Variants in AKAP19 observed in about 807,000 individuals in gnomAD.
The protein encoded by AKAP19 is small A-kinase anchoring protein.
chr2:189,989,462 A>G, the AKAP19 span, among the ~76,000 whole-genome samples: 64 of 152,292 alleles, frequency 4.2e-4, 1 homozygote, highest in Middle Eastern at 0.017. Context: ...ATGAAAAAAT[A>G]TACTAGGCAA....
the AKAP19 span, among the ~76,000 whole-genome samples, chr2:190,107,969 G>T: frequency 4.6e-5 from 7 of 152,120 alleles, no homozygotes; most frequent in Admixed American, 4.6e-4. Flanking sequence ...GTTAACAAAG[G>T]CAGTTCTCTT....
chr2:189,909,432 C>T, the AKAP19 span, among the ~76,000 whole-genome samples: 3 of 151,882 alleles, frequency 2.0e-5, no homozygotes, highest in South Asian at 6.2e-4. Flanking sequence ...TTGTTTCTTT[C>T]TGTCTCTCTT....
chr2:189,887,643 CT>C, the AKAP19 span, among the ~76,000 whole-genome samples: 2 of 152,186 alleles, frequency 1.3e-5, no homozygotes, highest in African/African-American at 4.8e-5. Flanking sequence ...CATTTCTTTA[CT>C]TTTTAATGAT....
the AKAP19 span, among the ~76,000 whole-genome samples, chr2:190,052,823 T>C: frequency 6.6e-6 from 1 of 152,234 alleles, no homozygotes; most frequent in Non-Finnish European, 1.5e-5. Context: ...GAGTCAAATA[T>C]AGCTGTTAGC....
At chr2:190,069,136 A>ATGTGTGTGTGTGTGTGTGTG in the AKAP19 span, among the ~76,000 whole-genome samples, 1 of 127,674 alleles carries the variant, frequency 7.8e-6, no homozygotes, top group African/African-American at 3.0e-5. Context: ...GTGCATGCAT[A>ATGTGTGTGTGTGTGTGTGTG]TGTGTGTGTG....
the AKAP19 span, among the ~76,000 whole-genome samples, chr2:189,913,783 C>A: frequency 3.3e-5 from 5 of 152,002 alleles, no homozygotes; most frequent in Admixed American, 3.3e-4. Flanking sequence ...AAATGTGTGA[C>A]CATTTTTATG....
chr2:189,972,788 G>A, the AKAP19 span, among the ~76,000 whole-genome samples: 1 of 152,148 alleles, frequency 6.6e-6, no homozygotes, highest in Non-Finnish European at 1.5e-5. Flanking sequence ...CTGTTTGTCT[G>A]TTATTGGTGT....
chr2:190,010,161 C>T, the AKAP19 span, among the ~76,000 whole-genome samples: 1 of 152,112 alleles, frequency 6.6e-6, no homozygotes, highest in African/African-American at 2.4e-5. Flanking sequence ...ATTTCTGGAT[C>T]TATATTCTTG....
chr2:190,022,678 C>G, the AKAP19 span, among the ~76,000 whole-genome samples: 2 of 152,100 alleles, frequency 1.3e-5, no homozygotes, highest in African/African-American at 4.8e-5. Flanking sequence ...AAATATTTAT[C>G]TGCAGGTTCA....
chr2:190,165,618 T>C, the AKAP19 span, among the ~76,000 whole-genome samples: 31 of 152,020 alleles, frequency 2.0e-4, 1 homozygote, highest in African/African-American at 6.8e-4. Context: ...CACAAAGATA[T>C]AGAGATGGAA....
chr2:190,181,018 A>G, the AKAP19 span: 7 of 985,540 alleles, frequency 7.1e-6, no homozygotes, highest in Non-Finnish European at 8.4e-6. Flanking sequence ...GGAGCTTCGG[A>G]GACCCGCCCC....
the AKAP19 span, among the ~76,000 whole-genome samples, chr2:190,173,891 A>T: frequency 6.6e-6 from 1 of 152,048 alleles, no homozygotes; most frequent in African/African-American, 2.4e-5. Flanking sequence ...TTAAAGTCTG[A>T]CTTTCTTGTT....
At chr2:190,036,843 A>G in the AKAP19 span, among the ~76,000 whole-genome samples, 1 of 152,228 alleles carries the variant, frequency 6.6e-6, no homozygotes, top group Admixed American at 6.5e-5. Context: ...ATAGCTTCCC[A>G]AAAGATTAAG....
the AKAP19 span, among the ~76,000 whole-genome samples, chr2:190,165,662 A>C: frequency 8.5e-5 from 13 of 152,318 alleles, no homozygotes; most frequent in Admixed American, 3.3e-4. Flanking sequence ...TGAAGGTAGA[A>C]TGGGAAGGTC....
chr2:189,938,916 C>T, the AKAP19 span, among the ~76,000 whole-genome samples: 1 of 152,116 alleles, frequency 6.6e-6, no homozygotes, highest in Non-Finnish European at 1.5e-5. Flanking sequence ...CTTCAGTGCC[C>T]TTCCCCACAA....
At chr2:190,171,690 C>A in the AKAP19 span, among the ~76,000 whole-genome samples, 4 of 152,054 alleles carry the variant, frequency 2.6e-5, no homozygotes, top group Non-Finnish European at 4.4e-5. Context: ...TACTTAAATT[C>A]AATGGACAGT....
At chr2:190,169,107 G>A in the AKAP19 span, among the ~76,000 whole-genome samples, 2 of 152,146 alleles carry the variant, frequency 1.3e-5, no homozygotes, top group Non-Finnish European at 2.9e-5. Flanking sequence ...CCATGTGACT[G>A]GGAAGGCCTC....
the AKAP19 span, among the ~76,000 whole-genome samples, chr2:190,192,103 G>C: frequency 3.9e-5 from 6 of 151,964 alleles, no homozygotes; most frequent in African/African-American, 1.5e-4. Flanking sequence ...TTAAAACTAT[G>C]ATCCCTTTTG....
chr2:190,085,623 C>CCCCTT, the AKAP19 span, among the ~76,000 whole-genome samples: 1 of 152,102 alleles, frequency 6.6e-6, no homozygotes, highest in African/African-American at 2.4e-5. Context: ...CATTTGTGTT[C>CCCCTT]CCCTTCCCCC....
Sources: allele counts gnomAD v4.1 joint callset (sites outside exome capture counted in the v4.1 genomes callset), GRCh38; gene constraint gnomAD v4.1.1; transcripts MANE v1.5; gene names NCBI Gene and HGNC (gene_info 2026-07-23, HGNC 2026-07-21).